ADGRV1: variants seen among roughly 807,000 people sequenced by gnomAD.
ADGRV1 encodes adhesion G protein-coupled receptor V1.
ADGRV1 carries 359 observed loss-of-function variants against 596.2 expected under a neutral mutation model. That is an observed-to-expected ratio of 0.60 (90% CI 0.55 to 0.66). The LOEUF (loss-of-function observed/expected upper bound fraction) is 0.66. Ranked by LOEUF, ADGRV1 falls within the 30% of genes least tolerant of loss-of-function variation. The pLI is 0.00. For synonymous variants in ADGRV1, 2,681 were observed against 2,679.2 expected (o/e 1.00, Z -0.02); for missense variants, 7,274 against 7,575.6 (o/e 0.96, Z 1.48).
At chr5:90,773,177 A>T (rs1757875965) in intron 59 of ADGRV1, among the ~76,000 whole-genome samples, 1 of 152,048 alleles carries the variant, frequency 6.6e-6, no homozygotes, top group South Asian at 2.1e-4. Context: ...TCAAAAAAAA[A>T]AAAAAAATAC....
intron 83 of ADGRV1, among the ~76,000 whole-genome samples, chr5:90,960,577 A>C (rs556348750): frequency 6.6e-6 from 1 of 152,352 alleles, no homozygotes; most frequent in East Asian, 1.9e-4. Flanking sequence ...TCTTATTTTA[A>C]AAATTCAGAG....
At chr5:90,866,313 A>ATGTGTGTGTGTGTGTGTG (rs768538026) in intron 83 of ADGRV1, among the ~76,000 whole-genome samples, 22 of 20,490 alleles carry the variant, frequency 1.1e-3, no homozygotes, top group African/African-American at 2.2e-3. Flanking sequence ...GTGTATGTGT[A>ATGTGTGTGTGTGTGTGTG]TATGTGTGTG....
chr5:91,142,164 A>G (rs1795151376), intron 87 of ADGRV1, among the ~76,000 whole-genome samples: 1 of 152,186 alleles, frequency 6.6e-6, no homozygotes, highest in Non-Finnish European at 1.5e-5. Flanking sequence ...CAGACCCATG[A>G]CTGTCTCTAC....
At chr5:91,142,757 C>G (rs186269595) in intron 87 of ADGRV1, among the ~76,000 whole-genome samples, 26 of 152,302 alleles carry the variant, frequency 1.7e-4, no homozygotes, top group African/African-American at 5.8e-4. Flanking sequence ...TAGACTATTA[C>G]GATTTCATTT....
At chr5:91,045,579 A>C (rs1295287357) in intron 85 of ADGRV1, among the ~76,000 whole-genome samples, 1 of 152,164 alleles carries the variant, frequency 6.6e-6, no homozygotes, top group Admixed American at 6.5e-5. Context: ...CACAGCCAAC[A>C]TAACACTGAA....
chr5:90,789,844 A>C lies in ADGRV1; in HGVS notation c.14036A>C (p.Glu4679Ala). The C allele has an allele frequency of 7.2e-7, 1 of 1,397,194 alleles. No homozygotes were observed. Among genetic ancestry groups the C allele is most frequent in the East Asian group, 2.5e-5 (1 of 39,294 alleles). The allele number at this position is 1,397,194 out of a possible 1,614,324, so 86.5% of individuals were successfully genotyped here. Residue 4679 changes from glutamate to alanine, a missense_variant, in exon 69 of 90, where the codon GAG becomes GCG. By Grantham distance (107) the Glu-to-Ala change is moderately radical. This residue lies in a region of ADGRV1 where 1,874 missense variants were observed against 1,970.2 expected (regional missense o/e 0.95). Transcript: ENST00000405460. ...FVRRVKGTFG[E>A]IMVYWELSSE... ...AGAAGAGTCAAGGGCACCTTTGGAG[A>C]GATTATGGTATTACTTTTCATTTGA...
rs147214642 is a variant in ADGRV1, at chr5:90,671,154, C to T, written c.4753-1392C>T. On this transcript the variant is annotated intron_variant, in intron 21 of 89. Transcript: ENST00000405460. ...ATTGTCCATCAGGATGCAGTGTGTG[C>T]ATTCAATGGCTGGTATCTGTTTCTG... Among the ~76,000 whole-genome samples the T allele has an allele frequency of 2.0e-4, 31 of 152,302 alleles. No homozygotes were observed. The East Asian group carries it at 5.6e-3, about 28-fold the overall frequency.
chr5:90,644,453 C>T (rs1767440220), intron 14 of ADGRV1, among the ~76,000 whole-genome samples: 1 of 152,088 alleles, frequency 6.6e-6, no homozygotes, highest in Admixed American at 6.6e-5. Flanking sequence ...ATTCTGTTTC[C>T]CATGCCAACT....
At chr5:90,586,693 A>G (rs908526633) in intron 1 of ADGRV1, among the ~76,000 whole-genome samples, 10 of 152,224 alleles carry the variant, frequency 6.6e-5, no homozygotes, top group Non-Finnish European at 1.2e-4. Flanking sequence ...GCATCACATC[A>G]GGAGGCACAC....
intron 48 of ADGRV1, among the ~76,000 whole-genome samples, chr5:90,726,350 A>T (rs1751778549): frequency 6.6e-6 from 1 of 152,054 alleles, no homozygotes; most frequent in African/African-American, 2.4e-5. Flanking sequence ...AATCAGCCTA[A>T]ATGTTCTAGC....
chr5:90,819,925 G>A (rs1189044023), intron 75 of ADGRV1, among the ~76,000 whole-genome samples: 12 of 151,782 alleles, frequency 7.9e-5, no homozygotes, highest in African/African-American at 9.7e-5. Flanking sequence ...GTAGATGTCT[G>A]TTAGGTCTGC....
intron 85 of ADGRV1, among the ~76,000 whole-genome samples, chr5:91,053,648 T>C (rs1353461296): frequency 1.3e-5 from 2 of 152,258 alleles, no homozygotes; most frequent in African/African-American, 4.8e-5. Flanking sequence ...CAAATGTCCT[T>C]CTTGATTCTA....
chr5:90,617,842 T>C lies in ADGRV1; in HGVS notation c.246T>C (p.Tyr82=), dbSNP rs776852491. 2 of 1,599,654 alleles carry C rather than the reference T, an allele frequency of 1.3e-6. No individual in the cohort carries two copies. The highest frequency in any genetic ancestry group is 1.7e-6 in the Non-Finnish European group (2 of 1,172,238). The change falls in exon 3 of 90, where the codon TAT becomes TAC. Residue 82 remains tyrosine (Y), a synonymous_variant. Transcript: ENST00000405460. The part of the protein sequence containing the change: ...GEDAGDFFDT[Y]AAAFIPAGET... ...ACGCTGGTGACTTTTTTGACACATA[T>C]GCTGCAGCTTTTATACCTGCCGGAG...
chr5:90,567,234 T>C (rs1257359037), intron 1 of ADGRV1, among the ~76,000 whole-genome samples: 2 of 152,228 alleles, frequency 1.3e-5, no homozygotes, highest in African/African-American at 4.8e-5. Flanking sequence ...TGTGTCAATA[T>C]TCATAAGGGA....
At chr5:90,941,668 T>A (rs1031729800) in intron 83 of ADGRV1, among the ~76,000 whole-genome samples, 2 of 152,180 alleles carry the variant, frequency 1.3e-5, no homozygotes, top group Non-Finnish European at 2.9e-5. Context: ...GCAGACATCC[T>A]TAGGAATTTG....
intron 59 of ADGRV1, among the ~76,000 whole-genome samples, chr5:90,765,789 C>A (rs898723232): frequency 6.6e-6 from 1 of 151,808 alleles, no homozygotes; most frequent in African/African-American, 2.4e-5. Flanking sequence ...ACTGAAGCTT[C>A]GACCTCCCGG....
chr5:90,672,004 C>A (rs2149536172), intron 21 of ADGRV1, among the ~76,000 whole-genome samples: 1 of 152,280 alleles, frequency 6.6e-6, no homozygotes, highest in South Asian at 2.1e-4. Context: ...TCTCAAGGAT[C>A]TCCCCATTTG....
At chr5:91,091,821 G>A (rs961935772) in intron 86 of ADGRV1, 2 of 152,008 alleles carry the variant, frequency 1.3e-5, no homozygotes, top group African/African-American at 4.8e-5. Context: ...CACCTTTTTG[G>A]TTCTATTGAG....
chr5:90,802,241 G>A (rs1455125436), intron 70 of ADGRV1, among the ~76,000 whole-genome samples: 3 of 152,094 alleles, frequency 2.0e-5, no homozygotes, highest in African/African-American at 7.2e-5. Flanking sequence ...AGGGGAGACG[G>A]AGTCTTGCAC....
Sources: gnomAD v4.1 joint callset for allele counts (sites outside exome capture counted in the v4.1 genomes callset) on GRCh38, gnomAD v4.1.1 for gene constraint, gnomAD v4.1.1 regional missense constraint, MANE v1.5 for transcripts, NCBI Gene and HGNC (gene_info 2026-07-23, HGNC 2026-07-21) for gene names.